KIAA1549L: variants seen among roughly 807,000 people sequenced by gnomAD.
KIAA1549L encodes UPF0606 protein KIAA1549L.
A neutral mutation model predicts 160.7 loss-of-function variants in KIAA1549L; 88 were observed. That is an observed-to-expected ratio of 0.55 (90% CI 0.46 to 0.65). The LOEUF is 0.65. Ranked by LOEUF, KIAA1549L falls within the 30% of genes least tolerant of loss-of-function variation. The probability of loss-of-function intolerance (pLI) is 0.00; values close to 1 mark genes in which losing one functional copy is unlikely to be tolerated. For missense variants in KIAA1549L, 2,258 were observed against 2,437.5 expected (o/e 0.93, Z 1.55); for synonymous variants, 950 against 976.7 (o/e 0.97, Z 0.51).
At chr11:33,452,668 C>T (rs1275356514) in intron 1 of KIAA1549L, among the ~76,000 whole-genome samples, 2 of 152,134 alleles carry the variant, frequency 1.3e-5, no homozygotes, top group African/African-American at 4.8e-5. Context: ...TACTTTTGCA[C>T]CAACCTAATA....
chr11:33,433,154 C>T (rs1047520300), intron 1 of KIAA1549L, among the ~76,000 whole-genome samples: 6 of 152,148 alleles, frequency 3.9e-5, no homozygotes, highest in African/African-American at 1.4e-4. Context: ...GAATAGGCAA[C>T]CTACAGAATA....
intron 16 of KIAA1549L, among the ~76,000 whole-genome samples, chr11:33,634,905 G>T (rs1354396741): frequency 6.6e-6 from 1 of 152,102 alleles, no homozygotes; most frequent in Non-Finnish European, 1.5e-5. Context: ...ATCATCCTTT[G>T]GAAGGGCCAT....
intron 16 of KIAA1549L, among the ~76,000 whole-genome samples, chr11:33,637,293 T>C (rs1434745908): frequency 1.3e-5 from 2 of 152,238 alleles, no homozygotes; most frequent in Non-Finnish European, 2.9e-5. Context: ...TCCAGGCCCC[T>C]GTCATCTCTT....
rs1854138913 is a variant in KIAA1549L, at chr11:33,544,020, A to G, written c.2457A>G (p.Ala819=). The change falls in exon 2 of 21, where the codon GCA becomes GCG. Residue 819 remains alanine, a synonymous_variant. Transcript: ENST00000658780. ...GAGACTTCCAAACAGCTGAAGTTGC[A>G]TATTACTCACCCACAACTCGACATT... The part of the protein sequence containing the change: ...HSRDFQTAEV[A]YYSPTTRHSV... The G allele has an allele frequency of 6.2e-7, 1 of 1,613,936 alleles. No individual in the cohort carries two copies. The highest frequency in any genetic ancestry group is 8.5e-7 in the Non-Finnish European group (1 of 1,179,912).
rs140288316 is a variant in KIAA1549L at position 33,611,288 on chromosome 11, C to A, written c.5279+1322C>A. On this transcript the variant is annotated intron_variant, in intron 15 of 20. Coordinates refer to ENST00000658780, the MANE Select transcript of KIAA1549L (RefSeq NM_012194.3). ...CGACATGCCACAGAGCCATGACAGACACATTCTCCACAGACTGGGGAGCCA... is the reference window on the plus strand; with the variant it reads ...CGACATGCCACAGAGCCATGACAGAAACATTCTCCACAGACTGGGGAGCCA... 2.1e-4 allele frequency among the ~76,000 whole-genome samples: 30 copies of A among 142,208 alleles called. No individual in the cohort carries two copies. The East Asian group carries it at 5.9e-3, about 28-fold the overall frequency. The allele number at this position is 142,208 out of a possible 152,430, so 93.3% of individuals were successfully genotyped here.
At position 33,591,285 on chromosome 11, in the gene KIAA1549L, G is replaced by A. The variant is rs1028855428; in HGVS notation, c.4615G>A (p.Ala1539Thr). Residue 1539 changes from alanine to threonine, a missense_variant, in exon 12 of 21, where the codon GCA becomes ACA. Ala to Thr is a moderately conservative substitution (Grantham distance 58). This residue lies in a region of KIAA1549L where 1,359 missense variants were observed against 1,546.6 expected (regional missense o/e 0.88). Transcript: ENST00000658780. ...CAAGCAACACCTGGGCCAGCAAGGG[G>A]CAGATGAGGAGGTCATCCCTGTGAC... ...YAKQHLGQQGADEEVIPVTQE... is the reference protein window; with the variant it reads ...YAKQHLGQQGTDEEVIPVTQE... 1.2e-6 allele frequency: 2 copies of A among 1,613,640 alleles called. No individual in the cohort carries two copies. The highest frequency in any genetic ancestry group is 1.7e-5 in the Admixed American group (1 of 59,984).
intron 6 of KIAA1549L, among the ~76,000 whole-genome samples, chr11:33,556,035 A>C (rs543858446): frequency 1.3e-5 from 2 of 152,360 alleles, no homozygotes; most frequent in South Asian, 4.1e-4. Context: ...AAAAAGATAT[A>C]CAGATGACTT....
At chr11:33,421,722 A>C (rs911615830) in intron 1 of KIAA1549L, among the ~76,000 whole-genome samples, 1 of 152,208 alleles carries the variant, frequency 6.6e-6, no homozygotes, top group Admixed American at 6.5e-5. Context: ...ATCAATAATA[A>C]TGCAGATTTC....
chr11:33,610,661 T>G (rs79188482), intron 15 of KIAA1549L, among the ~76,000 whole-genome samples: 2,227 of 152,306 alleles, frequency 0.015, 39 homozygotes, highest in African/African-American at 0.05. Flanking sequence ...GGTAGGTGTT[T>G]GAAGTATGAG....
chr11:33,665,042 C>T (rs1416794282), intron 20 of KIAA1549L, among the ~76,000 whole-genome samples: 3 of 152,208 alleles, frequency 2.0e-5, no homozygotes, highest in African/African-American at 7.2e-5. Flanking sequence ...TAAACACACC[C>T]TCTCTGGTCA....
At chr11:33,666,349 C>T (rs1852451949) in intron 20 of KIAA1549L, among the ~76,000 whole-genome samples, 1 of 152,214 alleles carries the variant, frequency 6.6e-6, no homozygotes, top group African/African-American at 2.4e-5. Context: ...CAGCCTCTGC[C>T]ATCAGTACGC....
intron 16 of KIAA1549L, among the ~76,000 whole-genome samples, chr11:33,620,986 G>A (rs921922998): frequency 2.6e-5 from 4 of 152,188 alleles, no homozygotes; most frequent in African/African-American, 4.8e-5. Context: ...TTGGAAACAT[G>A]TCATTCTTCC....
chr11:33,624,861 A>C, intron 16 of KIAA1549L, among the ~76,000 whole-genome samples: 1 of 145,398 alleles, frequency 6.9e-6, no homozygotes, highest in African/African-American at 2.6e-5. Context: ...GCACCCACTG[A>C]CTCCTCATCT....
At chr11:33,621,352 C>G (rs911913006) in intron 16 of KIAA1549L, among the ~76,000 whole-genome samples, 2 of 152,142 alleles carry the variant, frequency 1.3e-5, no homozygotes, top group Non-Finnish European at 2.9e-5. Flanking sequence ...CTTTTGGTCA[C>G]TCTTTCAGCT....
Position 33,656,122 on chromosome 11 carries a change from T to C in KIAA1549L, c.5858+13T>C. ...CTTCTCTCAGGCGGTAACACGTTCC[T>C]TTCTTTGTTTTGTTTGGAATATTTG... On this transcript the variant is annotated intron_variant, in intron 18 of 20. Coordinates refer to ENST00000658780, the MANE Select transcript of KIAA1549L (RefSeq NM_012194.3). 6.3e-7 allele frequency: 1 copy of C among 1,597,902 alleles called. No homozygotes were observed. The highest frequency in any genetic ancestry group is 8.6e-7 in the Non-Finnish European group (1 of 1,166,276).
chr11:33,483,672 G>C (rs1852460138), intron 1 of KIAA1549L, among the ~76,000 whole-genome samples: 1 of 152,220 alleles, frequency 6.6e-6, no homozygotes, highest in African/African-American at 2.4e-5. Flanking sequence ...ACTGAATCAT[G>C]GGGGATGGTT....
At chr11:33,571,553 T>C (rs1357767103) in intron 9 of KIAA1549L, among the ~76,000 whole-genome samples, 1 of 152,158 alleles carries the variant, frequency 6.6e-6, no homozygotes, top group Non-Finnish European at 1.5e-5. Flanking sequence ...GCTTCAAGCA[T>C]GGCAGAAGAT....
intron 16 of KIAA1549L, among the ~76,000 whole-genome samples, chr11:33,636,487 C>T (rs1014899743): frequency 2.0e-5 from 3 of 151,858 alleles, no homozygotes; most frequent in Non-Finnish European, 2.9e-5. Flanking sequence ...TGTACTACCA[C>T]GCCCAGCTAA....
chr11:33,402,332 C>T (rs1213473065), intron 1 of KIAA1549L, among the ~76,000 whole-genome samples: 2 of 152,192 alleles, frequency 1.3e-5, no homozygotes, highest in Non-Finnish European at 2.9e-5. Context: ...TTGGTCCTGT[C>T]AGTTCTGTCT....
Sources: allele counts gnomAD v4.1 joint callset (sites outside exome capture counted in the v4.1 genomes callset), GRCh38; gene constraint gnomAD v4.1.1; regional missense constraint gnomAD v4.1.1; transcripts MANE v1.5; gene names NCBI Gene and HGNC (gene_info 2026-07-23, HGNC 2026-07-21).